The following IFT25 variants were observed in gnomAD, a reference collection of about 807,000 sequenced individuals.
IFT25 encodes intraflagellar transport 25.
chr1:53,911,772 G>C, the IFT25 span, among the ~76,000 whole-genome samples: 1 of 152,078 alleles, frequency 6.6e-6, no homozygotes, highest in Non-Finnish European at 1.5e-5. Context: ...CTGCCAGCTG[G>C]GTGACTTTGA....
chr1:53,941,790 G>C, the IFT25 span, among the ~76,000 whole-genome samples: 1 of 152,170 alleles, frequency 6.6e-6, no homozygotes, highest in African/African-American at 2.4e-5. Context: ...AGTAACATTA[G>C]TTTACAAGCT....
At chr1:53,940,889 C>A in the IFT25 span, among the ~76,000 whole-genome samples, 1 of 151,674 alleles carries the variant, frequency 6.6e-6, no homozygotes, top group African/African-American at 2.4e-5. Flanking sequence ...TAAAAAAATT[C>A]TCTGTAGAGG....
chr1:53,945,344 C>T, the IFT25 span, among the ~76,000 whole-genome samples: 1 of 152,212 alleles, frequency 6.6e-6, no homozygotes, highest in Non-Finnish European at 1.5e-5. Flanking sequence ...CAAAGAGTTT[C>T]GTGGGCTGGT....
the IFT25 span, among the ~76,000 whole-genome samples, chr1:53,918,407 T>C: frequency 6.6e-6 from 1 of 152,142 alleles, no homozygotes; most frequent in Non-Finnish European, 1.5e-5. Flanking sequence ...GTGTAGAACA[T>C]TGTTGGTCAA....
At chr1:53,932,830 T>A in the IFT25 span, among the ~76,000 whole-genome samples, 1 of 152,216 alleles carries the variant, frequency 6.6e-6, no homozygotes, top group South Asian at 2.1e-4. Flanking sequence ...CCTCCCAAAG[T>A]GCTGGGATTA....
the IFT25 span, among the ~76,000 whole-genome samples, chr1:53,932,224 G>A: frequency 3.3e-5 from 5 of 152,002 alleles, no homozygotes; most frequent in South Asian, 2.1e-4. Context: ...GGTGGCACAT[G>A]CCGGTAGTCT....
chr1:53,928,500 T>C, the IFT25 span: 1 of 1,297,396 alleles, frequency 7.7e-7, no homozygotes, highest in Non-Finnish European at 1.1e-6. Flanking sequence ...TGTCCCTATA[T>C]TTCTTTTTCC....
the IFT25 span, among the ~76,000 whole-genome samples, chr1:53,931,118 G>A: frequency 6.6e-5 from 10 of 152,136 alleles, no homozygotes; most frequent in East Asian, 1.9e-4. Flanking sequence ...CCTCCCTTAG[G>A]CAACCAGTGC....
At chr1:53,923,550 A>C in the IFT25 span, 1 of 217,612 alleles carries the variant, frequency 4.6e-6, no homozygotes, top group African/African-American at 2.4e-5. Context: ...TGCTTAAATT[A>C]ACATTCAATT....
the IFT25 span, among the ~76,000 whole-genome samples, chr1:53,915,483 T>C: frequency 6.6e-6 from 1 of 152,042 alleles, no homozygotes; most frequent in Admixed American, 6.6e-5. Flanking sequence ...AAAATTTAAG[T>C]GGAATTTTAA....
At chr1:53,938,636 C>T in the IFT25 span, among the ~76,000 whole-genome samples, 3 of 152,106 alleles carry the variant, frequency 2.0e-5, no homozygotes, top group African/African-American at 7.2e-5. Context: ...CCTCTCTTAC[C>T]ACAAGTCTAA....
chr1:53,924,287 A>G, the IFT25 span, among the ~76,000 whole-genome samples: 5 of 152,210 alleles, frequency 3.3e-5, no homozygotes, highest in Non-Finnish European at 7.3e-5. Context: ...AAGAAAAAAA[A>G]GTGAACATTT....
chr1:53,919,094 C>T, the IFT25 span, among the ~76,000 whole-genome samples: 1 of 152,180 alleles, frequency 6.6e-6, no homozygotes, highest in Non-Finnish European at 1.5e-5. Flanking sequence ...CCACCTCGGC[C>T]TCCCTAAGTG....
the IFT25 span, among the ~76,000 whole-genome samples, chr1:53,912,327 T>C: frequency 6.6e-6 from 1 of 152,218 alleles, no homozygotes; most frequent in African/African-American, 2.4e-5. Context: ...TCTCTTCAAC[T>C]TAATGCATCA....
At chr1:53,914,931 G>A in the IFT25 span, among the ~76,000 whole-genome samples, 1 of 152,144 alleles carries the variant, frequency 6.6e-6, no homozygotes, top group African/African-American at 2.4e-5. Flanking sequence ...CCTAGACTTG[G>A]TACATGGTAA....
chr1:53,942,675 T>C, the IFT25 span, among the ~76,000 whole-genome samples: 1 of 152,214 alleles, frequency 6.6e-6, no homozygotes, highest in Non-Finnish European at 1.5e-5. Context: ...TGGAATGCTA[T>C]CTTAGAGTTA....
the IFT25 span, among the ~76,000 whole-genome samples, chr1:53,914,732 T>C: frequency 6.6e-6 from 1 of 152,168 alleles, no homozygotes; most frequent in African/African-American, 2.4e-5. Context: ...CAGAAGGCTA[T>C]CAGGGTCAAG....
At chr1:53,941,032 T>C in the IFT25 span, among the ~76,000 whole-genome samples, 17 of 151,834 alleles carry the variant, frequency 1.1e-4, no homozygotes, top group Admixed American at 1.1e-3. Context: ...CTCAGTCTTG[T>C]TGCCCAGGCT....
the IFT25 span, among the ~76,000 whole-genome samples, chr1:53,924,826 G>GACTC: frequency 2.0e-5 from 3 of 152,288 alleles, no homozygotes; most frequent in African/African-American, 7.2e-5. Context: ...GACAGGGCAA[G>GACTC]ACTCCATCTC....
Sources: allele counts gnomAD v4.1 joint callset (sites outside exome capture counted in the v4.1 genomes callset), GRCh38; gene constraint gnomAD v4.1.1; transcripts MANE v1.5; gene names NCBI Gene and HGNC (gene_info 2026-07-23, HGNC 2026-07-21).